The following AFF1 variants were observed in gnomAD, a reference collection of about 807,000 sequenced individuals.
AFF1 encodes AF4/FMR2 family member 1.
Under a neutral mutation model 121.7 loss-of-function variants are expected in AFF1, and 48 were observed. The observed-to-expected ratio is 0.39, with a 90% confidence interval of 0.31 to 0.50. AFF1 has a LOEUF of 0.50. Ranked by LOEUF, AFF1 falls within the 20% of genes least tolerant of loss-of-function variation. The pLI is 0.76. For synonymous variants in AFF1, 613 were observed against 563.0 expected (o/e 1.09, Z -1.26); for missense variants, 1,523 against 1,511.7 (o/e 1.01, Z -0.12).
Position 86,950,062 on chromosome 4 carries a change from A to G in AFF1, c.38+1491A>G. On this transcript the variant is annotated intron_variant, in intron 2 of 20. Transcript: ENST00000395146. ...GAGTGTAGAGAGGGTGATTGATGTA[A>G]TAGGCCATCCACGCGGCGAAGCCCC... 4.3e-6 allele frequency: 7 copies of G among 1,614,132 alleles called. No individual in the cohort carries two copies. The South Asian group carries it at 7.7e-5, about 18-fold the overall frequency.
intron 2 of AFF1, among the ~76,000 whole-genome samples, chr4:86,957,468 G>A (rs1721822803): frequency 6.6e-6 from 1 of 152,190 alleles, no homozygotes; most frequent in South Asian, 2.1e-4. Flanking sequence ...AAAGCCTGGA[G>A]AGACCTTCAT....
chr4:87,014,773 T>A (rs183230405), intron 2 of AFF1, among the ~76,000 whole-genome samples: 1 of 152,238 alleles, frequency 6.6e-6, no homozygotes, highest in Non-Finnish European at 1.5e-5. Flanking sequence ...GTTAAATTGC[T>A]TCTCCCCCAC....
rs1162793512 is a variant in AFF1, at chr4:87,000,672, TG to T, written c.39-45493del. 5.3e-5 allele frequency among the ~76,000 whole-genome samples: 8 copies of T among 150,752 alleles called. No individual in the cohort carries two copies. In the East Asian group the frequency reaches 9.7e-4, roughly 18 times the overall value. On this transcript the variant is annotated intron_variant, in intron 2 of 20. Transcript: ENST00000395146. ...GGAAGTGGGGGAACTTGAGCTTGTT[TG>T]TAGACTGATAATAAGTAATTGGTAT...
chr4:86,949,147 G>C (rs77189246), intron 2 of AFF1, among the ~76,000 whole-genome samples: 1 of 149,668 alleles, frequency 6.7e-6, no homozygotes, highest in Admixed American at 6.7e-5. Flanking sequence ...TTTATTTAAA[G>C]TATTAGCTAT....
chr4:87,043,582 A>G (rs557657083), intron 2 of AFF1, among the ~76,000 whole-genome samples: 4 of 152,230 alleles, frequency 2.6e-5, no homozygotes, highest in Non-Finnish European at 5.9e-5. Flanking sequence ...CATCAAGTCC[A>G]GTGTGCTACT....
intron 1 of AFF1, among the ~76,000 whole-genome samples, chr4:86,941,142 T>G: frequency 6.6e-6 from 1 of 152,174 alleles, no homozygotes; most frequent in East Asian, 1.9e-4. Flanking sequence ...TACTGCATAG[T>G]GAACATGCTG....
intron 20 of AFF1, among the ~76,000 whole-genome samples, chr4:87,135,039 C>G (rs1318347279): frequency 6.6e-6 from 1 of 152,172 alleles, no homozygotes; most frequent in Non-Finnish European, 1.5e-5. Flanking sequence ...TGTTCCTAGG[C>G]CCAGCACATT....
chr4:86,955,105 C>T (rs1204772043), intron 2 of AFF1, among the ~76,000 whole-genome samples: 1 of 152,038 alleles, frequency 6.6e-6, no homozygotes, highest in East Asian at 1.9e-4. Flanking sequence ...TTAAATTATC[C>T]AGATTTCCAG....
intron 2 of AFF1, among the ~76,000 whole-genome samples, chr4:86,959,491 C>CTTT (rs34054629): frequency 6.3e-4 from 62 of 98,004 alleles, no homozygotes; most frequent in African/African-American, 1.8e-3. Flanking sequence ...CCTTAATACT[C>CTTT]TTTTTTTTTT....
chr4:86,948,391 A>T (rs945923224), intron 1 of AFF1, 107 bp from the exon 2 acceptor site: 2 of 696,586 alleles, frequency 2.9e-6, no homozygotes, highest in African/African-American at 3.6e-5. Flanking sequence ...TCTAATTCAA[A>T]TGAGAACTTG....
chr4:87,023,538 A>C (rs1481926150), intron 2 of AFF1, among the ~76,000 whole-genome samples: 1 of 152,190 alleles, frequency 6.6e-6, no homozygotes, highest in African/African-American at 2.4e-5. Context: ...TCATGGTTGA[A>C]CTGGCTAGAG....
intron 2 of AFF1, among the ~76,000 whole-genome samples, chr4:86,964,919 A>G (rs1203362767): frequency 6.6e-6 from 1 of 152,180 alleles, no homozygotes; most frequent in African/African-American, 2.4e-5. Context: ...CCAAAGACCT[A>G]TTTAATCCTT....
intron 2 of AFF1, chr4:86,949,984 G>T: frequency 6.2e-7 from 1 of 1,614,174 alleles, no homozygotes; most frequent in Non-Finnish European, 8.5e-7. Context: ...CGAGCTGGCA[G>T]ATCACAAAGA....
intron 2 of AFF1, among the ~76,000 whole-genome samples, chr4:86,960,341 C>T (rs1485368745): frequency 6.6e-6 from 1 of 152,122 alleles, no homozygotes; most frequent in African/African-American, 2.4e-5. Context: ...GGTTCCGCTG[C>T]GTTGTTACAG....
At chr4:87,058,752 A>G (rs887005720) in intron 4 of AFF1, among the ~76,000 whole-genome samples, 1 of 152,130 alleles carries the variant, frequency 6.6e-6, no homozygotes, top group Non-Finnish European at 1.5e-5. Context: ...TTCCCTCCAC[A>G]GCAAAAGCTC....
At chr4:87,132,503 CT>C in intron 19 of AFF1, 95 bp downstream of exon 19, 18 of 1,286,706 alleles carry the variant, frequency 1.4e-5, no homozygotes, top group Non-Finnish European at 3.1e-6. Context: ...ACATATGTCA[CT>C]TTGCCTTTTC....
At chr4:86,988,197 C>T (rs570354363) in intron 2 of AFF1, among the ~76,000 whole-genome samples, 9 of 152,112 alleles carry the variant, frequency 5.9e-5, no homozygotes, top group Non-Finnish European at 1.3e-4. Flanking sequence ...TTCAAACCTT[C>T]TCTTGCAACT....
Position 87,136,741 on chromosome 4 carries a change from A to G in AFF1, c.*1040A>G, listed in dbSNP as rs1241136097. On this transcript the variant is annotated 3_prime_UTR_variant, in exon 21 of 21. Coordinates refer to ENST00000395146, the MANE Select transcript of AFF1 (RefSeq NM_001166693.3). The stretch of plus-strand genomic sequence containing the variant: ...AGCCAACTCAGAGTTTCGTCAGTGA[A>G]CAAGAAACATGAAATCTGCTTCTTA... 1 of 228,058 alleles carries G rather than the reference A, an allele frequency of 4.4e-6. No homozygotes were observed. Among genetic ancestry groups the G allele is most frequent in the Non-Finnish European group, 8.7e-6 (1 of 114,904 alleles). 14.1% of individuals were successfully genotyped at this position (228,058 alleles called of 1,614,324 possible). A position where few individuals can be genotyped will look rare whatever the true frequency, so the allele number is the denominator to read the frequency against.
intron 12 of AFF1, among the ~76,000 whole-genome samples, chr4:87,117,648 C>T (rs1386755667): frequency 2.0e-5 from 3 of 152,194 alleles, no homozygotes; most frequent in Admixed American, 2.0e-4. Flanking sequence ...ATGATCTAGG[C>T]AAACAGAATT....
Sources: gnomAD v4.1 joint callset for allele counts (sites outside exome capture counted in the v4.1 genomes callset) on GRCh38, gnomAD v4.1.1 for gene constraint, MANE v1.5 for transcripts, NCBI Gene and HGNC (gene_info 2026-07-23, HGNC 2026-07-21) for gene names.